Variants in BRSK2 observed in about 807,000 individuals in gnomAD.
BRSK2 encodes BR serine/threonine kinase 2.
BRSK2 carries 19 observed loss-of-function variants against 83.3 expected under a neutral mutation model. The ratio of observed to expected loss-of-function variants is 0.23; its 90% CI spans 0.16 to 0.33. BRSK2 has a LOEUF of 0.33. Ranked by LOEUF, BRSK2 falls within the 10% of genes least tolerant of loss-of-function variation. BRSK2 has a pLI of 1.00. For missense variants in BRSK2, 798 were observed against 1,042.3 expected (o/e 0.77, Z 3.23); for synonymous variants, 519 against 435.4 (o/e 1.19, Z -2.39).
chr11:1,433,939 TG>T (rs1481594380), intron 1 of BRSK2, among the ~76,000 whole-genome samples: 1 of 152,216 alleles, frequency 6.6e-6, no homozygotes, highest in Non-Finnish European at 1.5e-5. Flanking sequence ...CCACCCGGCC[TG>T]GGCTCACCCA....
chr11:1,460,461 C>CTTTTTTTTTTTTTTTT lies in BRSK2; in HGVS notation c.1988-37_1988-22dup, dbSNP rs398015179. The CTTTTTTTTTTTTTTTT allele has an allele frequency of 2.4e-5, 13 of 544,460 alleles. No individual in the cohort carries two copies. In the African/African-American group the frequency reaches 3.7e-4, roughly 15 times the overall value. The allele number at this position is 544,460 out of a possible 1,614,324, so 33.7% of individuals were successfully genotyped here. Reference sequence around the variant, plus strand: ...CTCTCCCCCTTTTTTTTCTTTTTTCCTTTTTTTTTTTTTTTTTGTCTCTGT... The same window carrying CTTTTTTTTTTTTTTTT: ...CTCTCCCCCTTTTTTTTCTTTTTTCCTTTTTTTTTTTTTTTTTTTTTTTTTTTTTTTTTGTCTCTGT... On this transcript the variant is annotated intron_variant, in intron 19 of 19. Coordinates refer to ENST00000528841, the MANE Select transcript of BRSK2 (RefSeq NM_001256627.2).
At position 1,456,936 on chromosome 11, in the gene BRSK2, C is replaced by T. The variant is rs779437608; in HGVS notation, c.1939+249C>T. 3.4e-5 allele frequency: 54 copies of T among 1,595,810 alleles called. No homozygotes were observed. The East Asian group carries it at 4.5e-4, about 13-fold the overall frequency. ...GGCGCAGCCGCACCACACTGAAAGG[C>T]GCCTCTTGTCCACCGTAGAACCCCC... On this transcript the variant is annotated intron_variant, in intron 18 of 19. Coordinates refer to ENST00000528841, the MANE Select transcript of BRSK2 (RefSeq NM_001256627.2).
At chr11:1,408,984 GTGTA>G (rs752633053) in intron 1 of BRSK2, among the ~76,000 whole-genome samples, 24,218 of 145,154 alleles carry the variant, frequency 0.17, 2,286 homozygotes, top group Non-Finnish European at 0.21. Context: ...GTGTGTGTGT[GTGTA>G]TGTCTGTGCA....
rs1564786044 is a variant in BRSK2, at chr11:1,390,618, G to A, written c.91+243G>A. Among the ~76,000 whole-genome samples, 1 of 146,812 alleles carries A rather than the reference G, an allele frequency of 6.8e-6. No homozygotes were observed. On this transcript the variant is annotated intron_variant, in intron 1 of 19. Transcript: ENST00000528841. The surrounding 1 kb of genome is among the most constrained non-coding windows in gnomAD (Gnocchi z 6.8). ...AAGGACACGCGGCGCGGCGCGGGGCGCGCAGGCGGACAGGGGCGCACGGGA... is the reference window on the plus strand; with the variant it reads ...AAGGACACGCGGCGCGGCGCGGGGCACGCAGGCGGACAGGGGCGCACGGGA...
chr11:1,451,497 T>G (rs1845817592), intron 15 of BRSK2, 78 bp downstream of exon 15: 2 of 1,473,826 alleles, frequency 1.4e-6, no homozygotes, highest in Admixed American at 3.4e-5. Flanking sequence ...CCTTCCCCTA[T>G]GGCCAACGGG....
intron 2 of BRSK2, among the ~76,000 whole-genome samples, 172 bp downstream of exon 2, chr11:1,436,306 G>C (rs527802833): frequency 1.1e-4 from 17 of 152,166 alleles, no homozygotes; most frequent in Admixed American, 7.2e-4. Context: ...GGGTGCCTTT[G>C]CTCTTGCTCC....
intron 3 of BRSK2, 77 bp from the exon 4 acceptor site, chr11:1,440,711 G>A (rs1043109017): frequency 3.2e-5 from 48 of 1,496,952 alleles, no homozygotes; most frequent in South Asian, 5.1e-5. Context: ...GCCAGGAGGC[G>A]GCTGTGGGAG....
chr11:1,451,180 G>T (rs1267576741), intron 14 of BRSK2, among the ~76,000 whole-genome samples, 191 bp from the exon 15 acceptor site: 2 of 152,220 alleles, frequency 1.3e-5, no homozygotes, highest in African/African-American at 2.4e-5. Context: ...GCTCCCCTTA[G>T]CCTGGGGGGC....
Position 1,460,761 on chromosome 11 carries a change from G to C in BRSK2, c.*38G>C. ...CCCCCCCCAGCACAGCACTGACAGC[G>C]GCTGCCTCGCCGCCCGCCGCCCGCC... On this transcript the variant is annotated 3_prime_UTR_variant, in exon 20 of 20. Coordinates refer to ENST00000528841, the MANE Select transcript of BRSK2 (RefSeq NM_001256627.2). 3 of 1,389,670 alleles carry C rather than the reference G, an allele frequency of 2.2e-6. No homozygotes were observed. The highest frequency in any genetic ancestry group is 2.8e-6 in the Non-Finnish European group (3 of 1,072,070). The allele number at this position is 1,389,670 out of a possible 1,614,324, so 86.1% of individuals were successfully genotyped here.
intron 1 of BRSK2, among the ~76,000 whole-genome samples, chr11:1,401,020 G>T (rs931649122): frequency 1.3e-5 from 2 of 152,246 alleles, no homozygotes; most frequent in African/African-American, 4.8e-5. Context: ...TTTCATTCAG[G>T]CCACATGAGT....
Position 1,444,248 on chromosome 11 carries a change from G to GCTAGCAAGAGCCAAA in BRSK2, c.780+614_780+628dup, listed in dbSNP as rs1162926330. 3.3e-5 allele frequency among the ~76,000 whole-genome samples: 5 copies of GCTAGCAAGAGCCAAA among 152,276 alleles called. No homozygotes were observed. In the South Asian group the frequency reaches 6.2e-4, roughly 19 times the overall value. On this transcript the variant is annotated intron_variant, in intron 8 of 19. Coordinates refer to ENST00000528841, the MANE Select transcript of BRSK2 (RefSeq NM_001256627.2). ...CTGAGTGCCCCCAGCAGCTGTGGGG[G>GCTAGCAAGAGCCAAA]CTAGCAAGAGCCAAAGGTAGCCCCC...
intron 13 of BRSK2, 86 bp downstream of exon 13, chr11:1,449,922 CGCG>C: frequency 9.3e-7 from 1 of 1,079,472 alleles, no homozygotes; most frequent in Non-Finnish European, 1.4e-6. Flanking sequence ...GGGGCAGCCT[CGCG>C]GACCCTGGGA....
At position 1,451,287 on chromosome 11, in the gene BRSK2, C is replaced by T. The variant is rs1845790311; in HGVS notation, c.1496-84C>T. On this transcript the variant is annotated intron_variant, in intron 14 of 19. Coordinates refer to ENST00000528841, the MANE Select transcript of BRSK2 (RefSeq NM_001256627.2). ...TGTGTGTGGGTGGACTCCTGATGAC[C>T]CTGACCTCGGCGCAAGGTGGCCAGG... is the stretch of plus-strand genomic sequence containing the variant. 3.3e-6 allele frequency: 5 copies of T among 1,529,178 alleles called. No individual in the cohort carries two copies. In the East Asian group the frequency reaches 9.0e-5, roughly 28 times the overall value. 94.7% of individuals were successfully genotyped at this position (1,529,178 alleles called of 1,614,324 possible).
intron 1 of BRSK2, among the ~76,000 whole-genome samples, chr11:1,403,501 C>T (rs750158079): frequency 7.9e-5 from 12 of 152,218 alleles, no homozygotes; most frequent in African/African-American, 1.9e-4. Context: ...CAGGAGGCCA[C>T]GAAACCCGCA....
chr11:1,428,821 G>A (rs1483832050), intron 1 of BRSK2, among the ~76,000 whole-genome samples: 3 of 151,954 alleles, frequency 2.0e-5, no homozygotes, highest in Non-Finnish European at 4.4e-5. Context: ...GTATGCAGTC[G>A]TGTGTACATG....
At chr11:1,443,466 C>G (rs749872532) in intron 7 of BRSK2, 23 bp from the exon 8 acceptor site, 1 of 1,577,180 alleles carries the variant, frequency 6.3e-7, no homozygotes. Flanking sequence ...CCCACGCTGA[C>G]CCCCACACCC....
At chr11:1,447,749 C>G (rs768878072) in intron 12 of BRSK2, 1 of 1,559,944 alleles carries the variant, frequency 6.4e-7, no homozygotes, top group Non-Finnish European at 8.6e-7. Flanking sequence ...CGACCTGTGC[C>G]CGCGTGTGGC....
intron 19 of BRSK2, among the ~76,000 whole-genome samples, chr11:1,460,098 G>C (rs1009804469): frequency 6.6e-6 from 1 of 152,100 alleles, no homozygotes; most frequent in African/African-American, 2.4e-5. Context: ...GGAGGGAAGG[G>C]GGGTGGGGCA....
intron 1 of BRSK2, among the ~76,000 whole-genome samples, chr11:1,424,921 G>A (rs867449568): frequency 2.6e-5 from 4 of 152,230 alleles, no homozygotes; most frequent in Non-Finnish European, 4.4e-5. Context: ...GAGTGCTGGC[G>A]GGAGGGGTGT....
Sources: allele counts gnomAD v4.1 joint callset (sites outside exome capture counted in the v4.1 genomes callset), GRCh38; gene constraint gnomAD v4.1.1; non-coding constraint Gnocchi (gnomAD v3.1); transcripts MANE v1.5; gene names NCBI Gene and HGNC (gene_info 2026-07-23, HGNC 2026-07-21).